The following CALN1 variants were observed in gnomAD, a reference collection of about 807,000 sequenced individuals.
CALN1 encodes the protein calneuron 1, also known as calcium-binding protein 8.
A neutral mutation model predicts 30.6 loss-of-function variants in CALN1; 17 were observed. The ratio of observed to expected loss-of-function variants is 0.56; its 90% confidence interval spans 0.38 to 0.83. The LOEUF is 0.83. Ranked by LOEUF, CALN1 falls within the 40% of genes least tolerant of loss-of-function variation. The pLI is 0.00. For synonymous variants in CALN1, 156 were observed against 131.4 expected (o/e 1.19, Z -1.28); for missense variants, 291 against 354.9 (o/e 0.82, Z 1.45).
At chr7:72,412,368 T>C (rs574001117), upstream of CALN1, 1 of 152,120 alleles carries the variant, frequency 6.6e-6, no homozygotes, top group Non-Finnish European at 1.5e-5. Context: ...CAGCTTTTAT[T>C]CTCTTATTCA....
At chr7:72,129,995 T>A (rs1470827092) in intron 3 of CALN1, among the ~76,000 whole-genome samples, 1 of 151,648 alleles carries the variant, frequency 6.6e-6, no homozygotes. Context: ...CCCTCAGGGG[T>A]GAGTGAGTTC....
intron 3 of CALN1, among the ~76,000 whole-genome samples, chr7:72,158,647 G>T (rs1030629462): frequency 2.6e-5 from 4 of 152,128 alleles, no homozygotes; most frequent in African/African-American, 9.7e-5. Context: ...GACACAGCAA[G>T]ACACATCCCT....
At chr7:72,232,338 G>A (rs902032743) in intron 3 of CALN1, among the ~76,000 whole-genome samples, 5 of 152,190 alleles carry the variant, frequency 3.3e-5, no homozygotes, top group Admixed American at 6.5e-5. Context: ...TGCATTGTAC[G>A]TGATAATACT....
chr7:71,915,727 C>T (rs566801739), intron 5 of CALN1, among the ~76,000 whole-genome samples: 222 of 147,730 alleles, frequency 1.5e-3, no homozygotes, highest in African/African-American at 5.0e-3. Flanking sequence ...AGCGAGACTC[C>T]GTCTCAAAAC....
chr7:72,451,636 C>G (rs1323625436), upstream of CALN1, among the ~76,000 whole-genome samples: 4 of 152,114 alleles, frequency 2.6e-5, no homozygotes, highest in African/African-American at 7.2e-5. Flanking sequence ...GACGGTCCCT[C>G]AGCTCCTGCC....
intron 6 of CALN1, among the ~76,000 whole-genome samples, chr7:71,804,056 A>G (rs1787464899): frequency 1.3e-5 from 2 of 152,122 alleles, no homozygotes; most frequent in South Asian, 4.1e-4. Flanking sequence ...TCCCATCAAA[A>G]GTGCCACAAT....
At chr7:71,790,307 GA>G (rs1793260020) in intron 6 of CALN1, among the ~76,000 whole-genome samples, 1 of 131,510 alleles carries the variant, frequency 7.6e-6, no homozygotes, top group African/African-American at 2.9e-5. Flanking sequence ...GAAGGAGAAA[GA>G]AAGAAGAAAG....
intron 2 of CALN1, among the ~76,000 whole-genome samples, chr7:72,391,282 T>A (rs966994340): frequency 6.6e-6 from 1 of 152,160 alleles, no homozygotes; most frequent in Non-Finnish European, 1.5e-5. Context: ...CCAGTTAGTT[T>A]AGGAAAAATG....
intron 5 of CALN1, among the ~76,000 whole-genome samples, chr7:71,855,371 T>A (rs1790884593): frequency 6.6e-6 from 1 of 152,112 alleles, no homozygotes; most frequent in Admixed American, 6.6e-5. Flanking sequence ...AATGTGACAT[T>A]CAGTTTTAGG....
chr7:72,485,047 A>G, the CALN1 span, among the ~76,000 whole-genome samples: 3 of 152,194 alleles, frequency 2.0e-5, no homozygotes, highest in Non-Finnish European at 4.4e-5. Flanking sequence ...CAAATAATGC[A>G]CAGCCTCTCT....
intron 2 of CALN1, among the ~76,000 whole-genome samples, chr7:72,366,295 T>TC (rs1803873904): frequency 6.6e-6 from 1 of 152,080 alleles, no homozygotes. Flanking sequence ...TGCCTCAGCC[T>TC]CCCAAGTAGC....
chr7:72,041,377 AATTTTTTTT>A (rs1384883457), intron 4 of CALN1, among the ~76,000 whole-genome samples: 3 of 151,592 alleles, frequency 2.0e-5, no homozygotes, highest in African/African-American at 7.3e-5. Flanking sequence ...TCCCCGCCCA[AATTTTTTTT>A]ATTTTTTTTA....
intron 1 of CALN1, among the ~76,000 whole-genome samples, chr7:72,429,539 C>T (rs942768249): frequency 2.0e-5 from 3 of 152,036 alleles, no homozygotes; most frequent in African/African-American, 7.2e-5. Context: ...GAATTAGTAG[C>T]AGCTGTTGTA....
chr7:72,218,843 C>T (rs982343928), intron 3 of CALN1, among the ~76,000 whole-genome samples: 4 of 152,112 alleles, frequency 2.6e-5, no homozygotes, highest in African/African-American at 9.7e-5. Context: ...GGAGAAGTGC[C>T]TCATTATCCA....
At chr7:72,347,918 G>C (rs1410964321) in intron 2 of CALN1, among the ~76,000 whole-genome samples, 1 of 152,048 alleles carries the variant, frequency 6.6e-6, no homozygotes, top group Non-Finnish European at 1.5e-5. Context: ...CACTTGAGAG[G>C]TCAGGAGTTT....
At chr7:72,423,956 AG>A in intron 1 of CALN1, among the ~76,000 whole-genome samples, 1 of 75,394 alleles carries the variant, frequency 1.3e-5, no homozygotes, top group East Asian at 6.7e-4. Flanking sequence ...GAAAGAAGGG[AG>A]GGAGGGAGGG....
chr7:71,869,843 G>A (rs1467344004), intron 5 of CALN1, among the ~76,000 whole-genome samples: 1 of 152,138 alleles, frequency 6.6e-6, no homozygotes, highest in Non-Finnish European at 1.5e-5. Flanking sequence ...GTGAAACTGC[G>A]AGTTGCCGCA....
At chr7:72,199,359 A>G (rs1199040820) in intron 3 of CALN1, among the ~76,000 whole-genome samples, 1 of 152,200 alleles carries the variant, frequency 6.6e-6, no homozygotes, top group Non-Finnish European at 1.5e-5. Flanking sequence ...ATCCAAAAAT[A>G]CAGAACCTCA....
intron 5 of CALN1, among the ~76,000 whole-genome samples, chr7:71,853,499 G>A (rs2116607274): frequency 6.6e-6 from 1 of 151,878 alleles, no homozygotes; most frequent in Admixed American, 6.6e-5. Context: ...TATCTTTATT[G>A]AGAGTCTTCA....
Sources: gnomAD v4.1 joint callset for allele counts (sites outside exome capture counted in the v4.1 genomes callset) on GRCh38, gnomAD v4.1.1 for gene constraint, MANE v1.5 for transcripts, NCBI Gene and HGNC (gene_info 2026-07-23, HGNC 2026-07-21) for gene names.